The following MAP2K1 variants were observed in gnomAD, a reference collection of about 807,000 sequenced individuals.
MAP2K1 encodes the protein mitogen-activated protein kinase kinase 1.
In MAP2K1, 16 loss-of-function variants were observed where a neutral mutation model predicts 46.3. The ratio of observed to expected loss-of-function variants is 0.35; its 90% CI spans 0.23 to 0.52. The LOEUF (loss-of-function observed/expected upper bound fraction) is 0.52. Ranked by LOEUF, MAP2K1 falls within the 20% of genes least tolerant of loss-of-function variation. MAP2K1 has a pLI of 0.94. For synonymous variants in MAP2K1, 183 were observed against 185.6 expected, an observed-to-expected ratio of 0.99 and a Z score of 0.11; for missense variants, 263 against 497.1, an observed-to-expected ratio of 0.53 and a Z score of 4.48.
chr15:66,418,617 T>C, intron 1 of MAP2K1, among the ~76,000 whole-genome samples: 1 of 152,154 alleles, frequency 6.6e-6, no homozygotes, highest in East Asian at 1.9e-4. Context: ...CACTGTTTAG[T>C]GGTCACCACC....
intron 10 of MAP2K1, 50 bp downstream of exon 10, chr15:66,489,813 C>T (rs775946557): frequency 5.4e-6 from 8 of 1,469,240 alleles, no homozygotes; most frequent in East Asian, 2.3e-5. Flanking sequence ...TTCATTTGTT[C>T]TTCTCTGTCA....
intron 3 of MAP2K1, among the ~76,000 whole-genome samples, chr15:66,440,770 A>G (rs566466755): frequency 1.1e-4 from 17 of 152,368 alleles, no homozygotes; most frequent in Non-Finnish European, 2.1e-4. Context: ...GCACAATTTC[A>G]GCAGCTTAAG....
chr15:66,422,826 C>T (rs147831883), intron 1 of MAP2K1, among the ~76,000 whole-genome samples: 1 of 152,172 alleles, frequency 6.6e-6, no homozygotes, highest in East Asian at 1.9e-4. Context: ...CTGTCCTGTT[C>T]CCTCTTGTTC....
chr15:66,397,823 G>A (rs1478160449), intron 1 of MAP2K1, among the ~76,000 whole-genome samples: 3 of 152,188 alleles, frequency 2.0e-5, no homozygotes, highest in Non-Finnish European at 2.9e-5. Flanking sequence ...GTCAGTATAG[G>A]CCATTTGCGG....
At chr15:66,489,429 T>C in intron 9 of MAP2K1, 153 bp downstream of exon 9, 1 of 773,530 alleles carries the variant, frequency 1.3e-6, no homozygotes, top group East Asian at 2.6e-5. Flanking sequence ...AAGCCCTTTT[T>C]TAGAGTGCCA....
intron 5 of MAP2K1, among the ~76,000 whole-genome samples, chr15:66,457,099 A>G (rs1226962362): frequency 6.6e-6 from 1 of 151,168 alleles, no homozygotes; most frequent in Non-Finnish European, 1.5e-5. Flanking sequence ...ACATGTAACA[A>G]TTATACAAAA....
chr15:66,398,529 G>A (rs1287714010), intron 1 of MAP2K1, among the ~76,000 whole-genome samples: 1 of 152,022 alleles, frequency 6.6e-6, no homozygotes, highest in Admixed American at 6.6e-5. Flanking sequence ...GCTCACACCT[G>A]TAATCTCAGC....
chr15:66,421,087 C>T (rs967906454), intron 1 of MAP2K1, among the ~76,000 whole-genome samples: 3 of 58,588 alleles, frequency 5.1e-5, no homozygotes, highest in African/African-American at 1.6e-4. Context: ...TACACATACA[C>T]ACACATACAC....
intron 1 of MAP2K1, among the ~76,000 whole-genome samples, chr15:66,393,609 A>C (rs1207417744): frequency 6.6e-6 from 1 of 152,132 alleles, no homozygotes; most frequent in Non-Finnish European, 1.5e-5. Context: ...CTTAATCTGT[A>C]AAGTGGAGGT....
At position 66,489,922 on chromosome 15, in the gene MAP2K1, C is replaced by G. The variant is rs79240084; in HGVS notation, c.1068+159C>G. 8,084 of 742,808 alleles carry G rather than the reference C, an allele frequency of 0.011. 65 individuals are homozygous for G. Among genetic ancestry groups the G allele is most frequent in the Middle Eastern group, 0.027 (117 of 4,360 alleles). The allele number at this position is 742,808 out of a possible 1,614,324, so 46.0% of individuals were successfully genotyped here. The stretch of plus-strand genomic sequence containing the variant: ...ATACCAAACACCAGTCTCCTTTGCT[C>G]TCCCATCAGTTTAAGGGAAAGCTGG... On this transcript the variant is annotated intron_variant, in intron 10 of 10. Transcript: ENST00000307102.
chr15:66,436,956 C>A (rs2140584793), intron 3 of MAP2K1, 64 bp downstream of exon 3: 1 of 1,584,956 alleles, frequency 6.3e-7, no homozygotes, highest in Non-Finnish European at 8.7e-7. Context: ...CTGGCCTAAT[C>A]TTTGGTCTGG....
chr15:66,483,595 CG>C (rs1567025345), intron 6 of MAP2K1, among the ~76,000 whole-genome samples: 2 of 152,072 alleles, frequency 1.3e-5, no homozygotes, highest in Non-Finnish European at 2.9e-5. Flanking sequence ...AAGATTTTTT[CG>C]GTAGGGTTCT....
intron 1 of MAP2K1, among the ~76,000 whole-genome samples, chr15:66,415,874 A>G (rs767433459): frequency 1.3e-5 from 2 of 152,238 alleles, no homozygotes; most frequent in Non-Finnish European, 2.9e-5. Flanking sequence ...AAGGTGGAAC[A>G]TAGAGTTTTA....
Position 66,437,084 on chromosome 15 carries a change from C to T in MAP2K1, c.438+192C>T, listed in dbSNP as rs16949944. 0.017 allele frequency among the ~76,000 whole-genome samples: 2,643 copies of T among 152,314 alleles called. 37 individuals are homozygous for T. Among genetic ancestry groups the T allele is most frequent in the South Asian group, 0.055 (264 of 4,824 alleles). On this transcript the variant is annotated intron_variant, in intron 3 of 10. Transcript: ENST00000307102. ...AGATGGCAGGCCTCCTTTCTAGGTC[C>T]TTGCCTCTCTTGAAGGAAGTGGGCA...
chr15:66,457,228 C>T (rs539973237), intron 5 of MAP2K1, among the ~76,000 whole-genome samples: 83 of 152,344 alleles, frequency 5.4e-4, no homozygotes, highest in African/African-American at 1.9e-3. Flanking sequence ...AAGAGATTCT[C>T]GTGCCTCAGC....
intron 1 of MAP2K1, among the ~76,000 whole-genome samples, chr15:66,389,133 C>T (rs546077667): frequency 2.0e-5 from 3 of 151,802 alleles, no homozygotes; most frequent in South Asian, 2.1e-4. Context: ...GGCAAACTCC[C>T]GTCCTCAGGT....
At chr15:66,398,100 TAAA>T (rs879672695) in intron 1 of MAP2K1, among the ~76,000 whole-genome samples, 1 of 140,606 alleles carries the variant, frequency 7.1e-6, no homozygotes, top group Non-Finnish European at 1.6e-5. Flanking sequence ...AGATTCCATC[TAAA>T]AAAAAAAAAG....
intron 5 of MAP2K1, among the ~76,000 whole-genome samples, chr15:66,452,488 A>G (rs921225661): frequency 2.0e-5 from 3 of 152,122 alleles, no homozygotes; most frequent in Non-Finnish European, 2.9e-5. Flanking sequence ...CCATGTTAGA[A>G]TATTTTAATG....
chr15:66,485,800 G>A (rs1893025297), intron 7 of MAP2K1, among the ~76,000 whole-genome samples: 1 of 151,992 alleles, frequency 6.6e-6, no homozygotes, highest in South Asian at 2.1e-4. Context: ...GGTTAGTCTT[G>A]AACTTTTGGG....
Sources: gnomAD v4.1 joint callset for allele counts (sites outside exome capture counted in the v4.1 genomes callset) on GRCh38, gnomAD v4.1.1 for gene constraint, MANE v1.5 for transcripts, NCBI Gene and HGNC (gene_info 2026-07-23, HGNC 2026-07-21) for gene names.